EPHA6: variants seen among roughly 807,000 people sequenced by gnomAD.
EPHA6 encodes ephrin type-A receptor 6.
EPHA6 carries 50 observed loss-of-function variants against 112.0 expected under a neutral mutation model. The observed-to-expected ratio is 0.45, with a 90% CI of 0.36 to 0.56. The LOEUF (loss-of-function observed/expected upper bound fraction) is 0.56. EPHA6 is among the 20% of genes least tolerant of loss of function. EPHA6 has a pLI of 0.00. For synonymous variants in EPHA6, 529 were observed against 490.7 expected, an observed-to-expected ratio of 1.08 and a Z score of -1.03; for missense variants, 1,280 against 1,417.4, an observed-to-expected ratio of 0.90 and a Z score of 1.56.
chr3:97,373,252 T>G (rs2085163752), intron 5 of EPHA6, among the ~76,000 whole-genome samples: 1 of 152,146 alleles, frequency 6.6e-6, no homozygotes. Flanking sequence ...GTACAAACAT[T>G]TTGGATGAGA....
intron 11 of EPHA6, among the ~76,000 whole-genome samples, chr3:97,535,171 T>C (rs988434422): frequency 6.6e-6 from 1 of 152,084 alleles, no homozygotes; most frequent in African/African-American, 2.4e-5. Context: ...GCCTGCCAGT[T>C]TGAAATAGTT....
chr3:97,489,939 T>A (rs1237732872), intron 10 of EPHA6, among the ~76,000 whole-genome samples: 1 of 152,176 alleles, frequency 6.6e-6, no homozygotes, highest in Non-Finnish European at 1.5e-5. Flanking sequence ...TAATTTTTGT[T>A]AATTTCATGA....
intron 5 of EPHA6, among the ~76,000 whole-genome samples, chr3:97,316,622 T>C (rs1263552688): frequency 6.6e-6 from 1 of 151,940 alleles, no homozygotes; most frequent in African/African-American, 2.4e-5. Context: ...AGCAAATTTA[T>C]GTCATTTATT....
chr3:97,605,551 A>C (rs561022688), intron 12 of EPHA6, among the ~76,000 whole-genome samples: 7 of 151,500 alleles, frequency 4.6e-5, no homozygotes, highest in Non-Finnish European at 1.0e-4. Flanking sequence ...GTTGGAGATC[A>C]GATGGTTAGG....
chr3:96,834,420 A>T (rs2034276976), intron 1 of EPHA6, among the ~76,000 whole-genome samples: 1 of 151,980 alleles, frequency 6.6e-6, no homozygotes, highest in Admixed American at 6.6e-5. Flanking sequence ...GTGAAAGAAG[A>T]ATTAGAAGTA....
intron 2 of EPHA6, among the ~76,000 whole-genome samples, chr3:96,965,119 G>A (rs147302631): frequency 3.3e-4 from 51 of 152,270 alleles, no homozygotes; most frequent in African/African-American, 1.2e-3. Context: ...ACACTTAGCA[G>A]CCTCTGAGTG....
intron 3 of EPHA6, among the ~76,000 whole-genome samples, chr3:97,032,812 C>T (rs557128202): frequency 3.3e-5 from 5 of 151,936 alleles, no homozygotes; most frequent in East Asian, 1.9e-4. Flanking sequence ...CTAAGCCTAG[C>T]GATAAAAGGC....
chr3:97,552,755 A>G (rs1444995565), intron 11 of EPHA6, among the ~76,000 whole-genome samples: 1 of 152,150 alleles, frequency 6.6e-6, no homozygotes, highest in African/African-American at 2.4e-5. Flanking sequence ...TCCATAAAGC[A>G]CCTCTTCAAT....
At chr3:97,555,831 T>G in intron 11 of EPHA6, among the ~76,000 whole-genome samples, 1 of 152,106 alleles carries the variant, frequency 6.6e-6, no homozygotes, top group Non-Finnish European at 1.5e-5. Flanking sequence ...ATATTAGCCC[T>G]TTGTCAGACG....
intron 1 of EPHA6, among the ~76,000 whole-genome samples, chr3:96,830,279 C>T (rs79827731): frequency 0.047 from 7,099 of 151,976 alleles, 295 homozygotes; most frequent in East Asian, 0.21. Context: ...CTGAAAAACT[C>T]GAACATGTTT....
intron 5 of EPHA6, among the ~76,000 whole-genome samples, chr3:97,355,172 G>A (rs1469550928): frequency 6.6e-6 from 1 of 152,022 alleles, no homozygotes; most frequent in Non-Finnish European, 1.5e-5. Context: ...ATCACCTGAA[G>A]GTACAAGACT....
intron 3 of EPHA6, among the ~76,000 whole-genome samples, chr3:97,081,193 T>TAAC (rs770126156): frequency 3.3e-5 from 5 of 151,912 alleles, no homozygotes; most frequent in Admixed American, 6.6e-5. Flanking sequence ...AATGCAGAAT[T>TAAC]AACAGGTCTA....
intron 11 of EPHA6, among the ~76,000 whole-genome samples, chr3:97,571,468 T>C (rs904088625): frequency 2.0e-5 from 3 of 152,200 alleles, no homozygotes; most frequent in Admixed American, 1.3e-4. Context: ...AATTGATAGA[T>C]TCTGAAGCTG....
At chr3:97,686,016 T>C (rs529801153) in intron 14 of EPHA6, among the ~76,000 whole-genome samples, 65 of 152,276 alleles carry the variant, frequency 4.3e-4, no homozygotes, top group African/African-American at 1.5e-3. Flanking sequence ...TGAGAAATTA[T>C]GATGAGTAAC....
At chr3:97,060,746 C>A (rs1257399082) in intron 3 of EPHA6, among the ~76,000 whole-genome samples, 2 of 151,094 alleles carry the variant, frequency 1.3e-5, no homozygotes, top group African/African-American at 4.9e-5. Flanking sequence ...CCTGTCTCTA[C>A]TAAAAATACA....
At chr3:96,898,819 G>A (rs2038429547) in intron 2 of EPHA6, among the ~76,000 whole-genome samples, 1 of 151,820 alleles carries the variant, frequency 6.6e-6, no homozygotes, top group Admixed American at 6.6e-5. Flanking sequence ...CACGAGGTCA[G>A]GAGATCGAGA....
chr3:97,065,825 T>C (rs904359773), intron 3 of EPHA6, among the ~76,000 whole-genome samples: 1 of 152,068 alleles, frequency 6.6e-6, no homozygotes, highest in Non-Finnish European at 1.5e-5. Context: ...TATTTATTTT[T>C]AGTAACTCTC....
intron 3 of EPHA6, among the ~76,000 whole-genome samples, chr3:97,061,295 A>C (rs944757918): frequency 6.6e-6 from 1 of 152,188 alleles, no homozygotes; most frequent in Admixed American, 6.5e-5. Context: ...GACTAAAGTC[A>C]GAATGTAGTT....
At chr3:97,337,424 C>T (rs925437362) in intron 5 of EPHA6, among the ~76,000 whole-genome samples, 3 of 152,128 alleles carry the variant, frequency 2.0e-5, no homozygotes, top group Non-Finnish European at 4.4e-5. Context: ...TTCTATTTCT[C>T]TTCTTAATCG....
Sources: allele counts gnomAD v4.1 joint callset (sites outside exome capture counted in the v4.1 genomes callset), GRCh38; gene constraint gnomAD v4.1.1; transcripts MANE v1.5; gene names NCBI Gene and HGNC (gene_info 2026-07-23, HGNC 2026-07-21).